Variants in SUMF1 observed in about 807,000 individuals in gnomAD.
The protein encoded by SUMF1 is sulfatase modifying factor 1.
In SUMF1, 48 loss-of-function variants were observed where a neutral mutation model predicts 47.6. That is an observed-to-expected ratio of 1.01 (90% CI 0.80 to 1.28). The LOEUF (loss-of-function observed/expected upper bound fraction) is 1.28, where lower values mean the gene tolerates loss of function less well. SUMF1 is among the 50% of genes most tolerant of loss of function. The pLI is 0.00. For synonymous variants in SUMF1, 230 were observed against 192.1 expected, an observed-to-expected ratio of 1.20 and a Z score of -1.63; for missense variants, 571 against 485.4, an observed-to-expected ratio of 1.18 and a Z score of -1.66.
rs1206927145 is a variant in SUMF1, at chr3:4,050,760, A to G, written c.1191+17809T>C. Among the ~76,000 whole-genome samples the G allele has an allele frequency of 1.7e-4, 25 of 151,162 alleles. 1 individual carries two copies. The highest frequency in any genetic ancestry group is 1.5e-3 in the Admixed American group (23 of 15,180). ...TGAGACCCTGTCTCAAAAAAAAAAAAAAAAAAGAAAGAAAAAAGAAAAGAA... is the reference window on the plus strand; with the variant it reads ...TGAGACCCTGTCTCAAAAAAAAAAAGAAAAAAGAAAGAAAAAAGAAAAGAA... On this transcript the variant is annotated intron_variant and NMD_transcript_variant, in intron 9 of 12. Coordinates refer to the SUMF1 transcript ENST00000448413.
chr3:4,112,213 C>G (rs1003857805), intron 8 of SUMF1, among the ~76,000 whole-genome samples: 3 of 152,138 alleles, frequency 2.0e-5, no homozygotes, highest in Admixed American at 2.0e-4. Flanking sequence ...ACTGAGGATA[C>G]TTATAAATGA....
At chr3:4,135,103 T>A (rs901089906) in intron 8 of SUMF1, among the ~76,000 whole-genome samples, 1 of 151,996 alleles carries the variant, frequency 6.6e-6, no homozygotes, top group African/African-American at 2.4e-5. Context: ...AAAGAGGGAA[T>A]CCTCCCTAAC....
chr3:4,206,860 T>G (rs971233454), intron 8 of SUMF1, among the ~76,000 whole-genome samples: 1 of 152,106 alleles, frequency 6.6e-6, no homozygotes, highest in Non-Finnish European at 1.5e-5. Flanking sequence ...TCCACTTAAA[T>G]TTAGGAACTA....
Position 4,449,266 on chromosome 3 carries a change from T to C in SUMF1, c.519A>G (p.Ala173=), listed in dbSNP as rs146050361. 4.4e-4 allele frequency: 710 copies of C among 1,614,174 alleles called. No individual in the cohort carries two copies. The highest frequency in any genetic ancestry group is 3.8e-4 in the Non-Finnish European group (447 of 1,179,990). The change falls in exon 3 of 9, where the codon GCA becomes GCG. Residue 173 remains alanine, a splice_region_variant and synonymous_variant. Coordinates refer to ENST00000272902, the MANE Select transcript of SUMF1 (RefSeq NM_182760.4). ...AGGAGCCTGTTGAAACATTACTTAC[T>C]GCCTGTTGAATATTGGTCTTCACTT... is the stretch of plus-strand genomic sequence containing the variant. ...SEQVKTNIQQ[A]VAAAPWWLPV...
intron 8 of SUMF1, among the ~76,000 whole-genome samples, chr3:4,286,689 AAAT>A (rs1697639646): frequency 1.3e-5 from 2 of 152,180 alleles, no homozygotes; most frequent in Admixed American, 1.3e-4. Flanking sequence ...AAAGCTTATA[AAAT>A]AATAAGTTCA....
chr3:4,378,385 A>C (rs1700394631), intron 7 of SUMF1, among the ~76,000 whole-genome samples: 1 of 152,228 alleles, frequency 6.6e-6, no homozygotes, highest in Admixed American at 6.5e-5. Flanking sequence ...AACTCAAAAA[A>C]AATCTTAAGT....
intron 8 of SUMF1, among the ~76,000 whole-genome samples, chr3:4,351,978 A>G (rs1200141743): frequency 6.6e-6 from 1 of 152,216 alleles, no homozygotes; most frequent in African/African-American, 2.4e-5. Flanking sequence ...CAAATCTAGT[A>G]AGTGGTAGGA....
chr3:4,104,264 C>A (rs1693105167), intron 8 of SUMF1, among the ~76,000 whole-genome samples: 1 of 152,110 alleles, frequency 6.6e-6, no homozygotes, highest in Non-Finnish European at 1.5e-5. Flanking sequence ...ATTCTCTCGT[C>A]TGCCACCATG....
intron 3 of SUMF1, 98 bp downstream of exon 3, chr3:4,449,168 C>T (rs1702882028): frequency 1.6e-6 from 2 of 1,286,452 alleles, no homozygotes; most frequent in Non-Finnish European, 2.3e-6. Context: ...TTAGGTGTTA[C>T]AGGGAGAGGA....
chr3:4,341,895 T>A (rs1431833439), intron 8 of SUMF1, among the ~76,000 whole-genome samples: 1 of 152,204 alleles, frequency 6.6e-6, no homozygotes, highest in African/African-American at 2.4e-5. Context: ...AATACTCCAA[T>A]TCCAGTTGCA....
At chr3:4,298,786 T>G (rs1697908979) in intron 8 of SUMF1, among the ~76,000 whole-genome samples, 1 of 152,226 alleles carries the variant, frequency 6.6e-6, no homozygotes. Flanking sequence ...AAACTTTTCT[T>G]AAAATGAATG....
At chr3:4,419,509 C>T (rs1264715189) in intron 4 of SUMF1, among the ~76,000 whole-genome samples, 3 of 152,166 alleles carry the variant, frequency 2.0e-5, no homozygotes, top group African/African-American at 7.2e-5. Context: ...TAAAGTGTTA[C>T]TCTATTTTTG....
At chr3:4,047,657 T>A (rs979283186) in intron 9 of SUMF1, among the ~76,000 whole-genome samples, 1 of 152,126 alleles carries the variant, frequency 6.6e-6, no homozygotes, top group Non-Finnish European at 1.5e-5. Flanking sequence ...TGCACCTCAT[T>A]AGGTACTAAA....
intron 8 of SUMF1, among the ~76,000 whole-genome samples, chr3:4,208,742 C>G (rs886409400): frequency 1.3e-5 from 2 of 151,902 alleles, no homozygotes; most frequent in Non-Finnish European, 2.9e-5. Context: ...AAACCCCAAG[C>G]TTGAGTATGT....
chr3:4,099,153 C>T (rs1241640921), intron 8 of SUMF1, among the ~76,000 whole-genome samples: 1 of 152,072 alleles, frequency 6.6e-6, no homozygotes, highest in African/African-American at 2.4e-5. Context: ...GCCTCCAAAT[C>T]AGGAGTTAAA....
At chr3:4,067,634 G>A (rs916124778) in intron 9 of SUMF1, among the ~76,000 whole-genome samples, 1 of 152,178 alleles carries the variant, frequency 6.6e-6, no homozygotes, top group Admixed American at 6.5e-5. Context: ...ACCTGGTTAT[G>A]GAGAGCCTCA....
chr3:4,175,300 T>C (rs1694934329), intron 8 of SUMF1, among the ~76,000 whole-genome samples: 2 of 152,004 alleles, frequency 1.3e-5, no homozygotes, highest in African/African-American at 2.4e-5. Context: ...AGTCACCTCA[T>C]ACAGCCAGCT....
chr3:4,462,072 ACTG>A (rs1250782439), intron 1 of SUMF1, among the ~76,000 whole-genome samples: 2 of 152,192 alleles, frequency 1.3e-5, no homozygotes, highest in East Asian at 3.8e-4. Flanking sequence ...TGCAGTGGGC[ACTG>A]CTATTTTGGT....
intron 8 of SUMF1, among the ~76,000 whole-genome samples, chr3:4,293,461 T>C (rs1020669473): frequency 6.6e-6 from 1 of 152,182 alleles, no homozygotes; most frequent in African/African-American, 2.4e-5. Context: ...CCCGAAAAGA[T>C]AAAGAGAATA....
Sources: allele counts gnomAD v4.1 joint callset (sites outside exome capture counted in the v4.1 genomes callset), GRCh38; gene constraint gnomAD v4.1.1; transcripts MANE v1.5; gene names NCBI Gene and HGNC (gene_info 2026-07-23, HGNC 2026-07-21).